Variants in BCAS3 observed in about 807,000 individuals in gnomAD.
The protein encoded by BCAS3 is BCAS4/BCAS3 fusion.
Under a neutral mutation model 116.1 loss-of-function variants are expected in BCAS3, and 53 were observed. That is an observed-to-expected ratio of 0.46 (90% confidence interval 0.37 to 0.57). The LOEUF (loss-of-function observed/expected upper bound fraction) is 0.57, where lower values mean the gene tolerates loss of function less well. BCAS3 is among the 20% of genes least tolerant of loss of function. BCAS3 has a pLI of 0.00. For missense variants in BCAS3, 917 were observed against 1,165.4 expected (o/e 0.79, Z 3.10); for synonymous variants, 391 against 408.2 (o/e 0.96, Z 0.51).
At chr17:60,799,678 G>A (rs1293463549) in intron 6 of BCAS3, among the ~76,000 whole-genome samples, 10 of 144,982 alleles carry the variant, frequency 6.9e-5, no homozygotes, top group East Asian at 6.0e-4. Flanking sequence ...ACAGGTGCGC[G>A]CCACTACGCC....
intron 22 of BCAS3, among the ~76,000 whole-genome samples, chr17:61,264,690 G>A (rs1282869968): frequency 1.3e-5 from 2 of 152,218 alleles, no homozygotes; most frequent in African/African-American, 2.4e-5. Context: ...TTACAGGTGT[G>A]AGCCACCATA....
chr17:61,184,886 G>GAACT (rs2079678423), intron 22 of BCAS3, among the ~76,000 whole-genome samples: 1 of 152,054 alleles, frequency 6.6e-6, no homozygotes, highest in African/African-American at 2.4e-5. Flanking sequence ...AGAAAAAGCA[G>GAACT]AACTATAGAG....
Position 61,068,074 on chromosome 17 carries a change from G to A in BCAS3, c.2030-6846G>A, listed in dbSNP as rs1365740758. ...TTGAAAATTACTGTACTAAGAACAT[G>A]GCTAGATTTATATCCTTGTACCAAG... On this transcript the variant is annotated intron_variant, in intron 19 of 23. Coordinates refer to ENST00000407086, the MANE Select transcript of BCAS3 (RefSeq NM_017679.5). This position sits in a 1 kb window ranked among gnomAD's most constrained non-coding sequence, Gnocchi z 4.3. Among the ~76,000 whole-genome samples, 2 of 152,086 alleles carry A rather than the reference G, an allele frequency of 1.3e-5. No homozygotes were observed. Among genetic ancestry groups the A allele is most frequent in the Admixed American group, 6.5e-5 (1 of 15,274 alleles).
chr17:60,726,826 A>G (rs993337418), intron 5 of BCAS3, among the ~76,000 whole-genome samples: 1 of 152,112 alleles, frequency 6.6e-6, no homozygotes, highest in Non-Finnish European at 1.5e-5. Flanking sequence ...AGGAGTTTTA[A>G]CACTTGTGCT....
chr17:61,242,909 C>CT (rs763046007), intron 22 of BCAS3, among the ~76,000 whole-genome samples: 1,616 of 145,286 alleles, frequency 0.011, 20 homozygotes, highest in African/African-American at 0.034. Flanking sequence ...AAGCTATACA[C>CT]TTTTTTTTTT....
At chr17:60,891,650 A>G (rs939890881) in intron 10 of BCAS3, 4 of 455,180 alleles carry the variant, frequency 8.8e-6, no homozygotes, top group East Asian at 6.9e-5. Flanking sequence ...AAGAAGCCGT[A>G]TATCTTTGTT....
At chr17:60,894,898 G>A (rs1767611557) in intron 10 of BCAS3, among the ~76,000 whole-genome samples, 1 of 152,020 alleles carries the variant, frequency 6.6e-6, no homozygotes, top group South Asian at 2.1e-4. Flanking sequence ...CCATCCCTAT[G>A]TCTCTGGAAT....
chr17:60,689,516 T>C (rs971886836), intron 3 of BCAS3, among the ~76,000 whole-genome samples, 170 bp from the exon 4 acceptor site: 1 of 152,236 alleles, frequency 6.6e-6, no homozygotes, highest in African/African-American at 2.4e-5. Flanking sequence ...ATGAGACTCA[T>C]GGATAATATT....
chr17:60,930,547 C>A (rs1213158048), intron 13 of BCAS3, among the ~76,000 whole-genome samples: 1 of 150,860 alleles, frequency 6.6e-6, no homozygotes, highest in Admixed American at 6.6e-5. Flanking sequence ...ATCTCCGCCT[C>A]CAGGTTCAAG....
At chr17:60,943,211 C>G (rs753552881) in intron 13 of BCAS3, among the ~76,000 whole-genome samples, 10 of 151,770 alleles carry the variant, frequency 6.6e-5, no homozygotes, top group Non-Finnish European at 1.5e-4. Flanking sequence ...ACAAGACAAG[C>G]AAAAATAATA....
chr17:61,037,496 G>C lies in BCAS3; in HGVS notation c.1763-393G>C, dbSNP rs2067128680. Among the ~76,000 whole-genome samples, 1 of 152,192 alleles carries C rather than the reference G, an allele frequency of 6.6e-6. No homozygotes were observed. Among genetic ancestry groups the C allele is most frequent in the Non-Finnish European group, 1.5e-5 (1 of 68,030 alleles). On this transcript the variant is annotated intron_variant, in intron 17 of 23. Transcript: ENST00000407086. This position sits in a 1 kb window ranked among gnomAD's most constrained non-coding sequence, Gnocchi z 4.7. ...ATATGAAAAAATTCCTGTCGTCTGA[G>C]CATGGTGGCTCACGCCTTTAATCCC...
intron 17 of BCAS3, among the ~76,000 whole-genome samples, chr17:61,036,557 C>T (rs544021734): frequency 6.6e-6 from 1 of 152,120 alleles, no homozygotes; most frequent in East Asian, 1.9e-4. Context: ...TTCTAATTAC[C>T]TTTTTAACTT....
intron 22 of BCAS3, among the ~76,000 whole-genome samples, chr17:61,335,760 G>C (rs1602783044): frequency 6.6e-6 from 1 of 152,252 alleles, no homozygotes. Flanking sequence ...GGCTTTGAGA[G>C]TTAATTGCCT....
rs2059918472 is a variant in BCAS3, at chr17:61,387,511, G to T, written c.2594-4466G>T. On this transcript the variant is annotated intron_variant, in intron 23 of 23. Coordinates refer to ENST00000407086, the MANE Select transcript of BCAS3 (RefSeq NM_017679.5). The surrounding 1 kb of genome is among the most constrained non-coding windows in gnomAD (Gnocchi z 6.2). Reference sequence around the variant, plus strand: ...TCACCCTGAGAACAGTAGTGCCAAGGATCCGGCTGTCTCATCCTTCACTTG... The same window carrying T: ...TCACCCTGAGAACAGTAGTGCCAAGTATCCGGCTGTCTCATCCTTCACTTG... 6.6e-6 allele frequency among the ~76,000 whole-genome samples: 1 copy of T among 152,170 alleles called. No homozygotes were observed. Among genetic ancestry groups the T allele is most frequent in the South Asian group, 2.1e-4 (1 of 4,828 alleles).
At chr17:61,340,437 G>A (rs2057059319) in intron 22 of BCAS3, among the ~76,000 whole-genome samples, 3 of 152,146 alleles carry the variant, frequency 2.0e-5, no homozygotes. Context: ...GAGAATGGTG[G>A]AGAAGATATT....
intron 7 of BCAS3, chr17:60,810,980 C>T (rs2048757158): frequency 1.2e-5 from 8 of 669,224 alleles, no homozygotes; most frequent in Non-Finnish European, 2.2e-5. Flanking sequence ...AAGTACTAGT[C>T]TCAGCAGATT....
rs762069408 is a variant in BCAS3 at position 61,171,832 on chromosome 17, T to C, written c.2425+87268T>C. 3.2e-4 allele frequency among the ~76,000 whole-genome samples: 49 copies of C among 151,618 alleles called. No homozygotes were observed. The highest frequency in any genetic ancestry group is 5.9e-4 in the Non-Finnish European group (40 of 67,894). On this transcript the variant is annotated intron_variant, in intron 22 of 23. Coordinates refer to ENST00000407086, the MANE Select transcript of BCAS3 (RefSeq NM_017679.5). This position sits in a 1 kb window ranked among gnomAD's most constrained non-coding sequence, Gnocchi z 4.1. Reference sequence around the variant, plus strand: ...TTTTTTTGTAGAAATGGAGTCTCACTGTGTTGTTCGGGCTGTTCTTGAACT... The same window carrying C: ...TTTTTTTGTAGAAATGGAGTCTCACCGTGTTGTTCGGGCTGTTCTTGAACT...
intron 5 of BCAS3, among the ~76,000 whole-genome samples, chr17:60,733,907 A>AAT (rs150394765): frequency 0.044 from 6,654 of 152,262 alleles, 531 homozygotes; most frequent in African/African-American, 0.15. Flanking sequence ...TATTTTAGAT[A>AAT]ACAGTACTTT....
At chr17:61,067,273 G>GTATATATATATATATATATATATATA (rs1199603635) in intron 19 of BCAS3, among the ~76,000 whole-genome samples, 4 of 58,800 alleles carry the variant, frequency 6.8e-5, no homozygotes, top group African/African-American at 8.6e-5. Flanking sequence ...GTGTGTATGT[G>GTATATATATATATATATATATATATA]TATATATATA....
Sources: gnomAD v4.1 joint callset for allele counts (sites outside exome capture counted in the v4.1 genomes callset) on GRCh38, gnomAD v4.1.1 for gene constraint, Gnocchi (gnomAD v3.1) non-coding constraint, MANE v1.5 for transcripts, NCBI Gene and HGNC (gene_info 2026-07-23, HGNC 2026-07-21) for gene names.